Variants in FYN observed in about 807,000 individuals in gnomAD.
FYN encodes FYN proto-oncogene, Src family tyrosine kinase.
A neutral mutation model predicts 70.2 loss-of-function variants in FYN; 10 were observed. That is an observed-to-expected ratio of 0.14 (90% CI 0.09 to 0.24). The LOEUF (loss-of-function observed/expected upper bound fraction) is 0.24, where lower values mean the gene tolerates loss of function less well. Among genes scored for constraint, FYN ranks in the 10% least tolerant of loss-of-function variants. The pLI, the probability that FYN is intolerant of heterozygous loss-of-function variation, is 1.00. For synonymous variants in FYN, 236 were observed against 248.6 expected, an observed-to-expected ratio of 0.95 and a Z score of 0.48; for missense variants, 319 against 673.1, an observed-to-expected ratio of 0.47 and a Z score of 5.82.
At chr6:111,737,542 G>A (rs2345074) in intron 3 of FYN, among the ~76,000 whole-genome samples, 18,372 of 152,252 alleles carry the variant, frequency 0.12, 1,279 homozygotes, top group South Asian at 0.33. Context: ...AGGAAAGGGC[G>A]TGGAGCGTCC....
At chr6:111,774,000 T>C (rs891827922) in intron 3 of FYN, among the ~76,000 whole-genome samples, 5 of 152,222 alleles carry the variant, frequency 3.3e-5, no homozygotes, top group Admixed American at 6.5e-5. Flanking sequence ...CCCAATTTGC[T>C]ATCACGATGG....
At chr6:111,831,255 G>A (rs1317949202) in intron 2 of FYN, among the ~76,000 whole-genome samples, 1 of 152,060 alleles carries the variant, frequency 6.6e-6, no homozygotes, top group Admixed American at 6.6e-5. Flanking sequence ...CACTAAATCT[G>A]TATTCATTAA....
chr6:111,774,449 C>T (rs1446328911), intron 3 of FYN, among the ~76,000 whole-genome samples: 1 of 152,152 alleles, frequency 6.6e-6, no homozygotes, highest in Non-Finnish European at 1.5e-5. Context: ...GACAGCTCTT[C>T]ACTGGGCAGG....
intron 5 of FYN, among the ~76,000 whole-genome samples, chr6:111,708,566 G>A (rs1800218457): frequency 2.0e-5 from 3 of 152,156 alleles, no homozygotes; most frequent in Admixed American, 1.3e-4. Flanking sequence ...CACGTGCCTG[G>A]CTTGCTCTCA....
At chr6:111,714,711 G>A (rs1056391462) in intron 4 of FYN, among the ~76,000 whole-genome samples, 2 of 152,212 alleles carry the variant, frequency 1.3e-5, no homozygotes, top group African/African-American at 2.4e-5. Flanking sequence ...GGGCTGAGGA[G>A]CAGGGAAATA....
In FYN at chr6:111,822,230, C is replaced by T. The variant is rs1400779795; in HGVS notation, c.-82+24359G>A. ...CAATAGTAAAGAGTTGGAACCAACC[C>T]AAATGTCCATCAATGATAGATTGGA... On this transcript the variant is annotated intron_variant, in intron 2 of 13. Transcript: ENST00000354650. Among the ~76,000 whole-genome samples, 4 of 152,176 alleles carry T rather than the reference C, an allele frequency of 2.6e-5. No homozygotes were observed. The East Asian group carries it at 7.7e-4, about 29-fold the overall frequency.
At chr6:111,823,108 C>T (rs1351626667) in intron 2 of FYN, among the ~76,000 whole-genome samples, 1 of 152,184 alleles carries the variant, frequency 6.6e-6, no homozygotes, top group Non-Finnish European at 1.5e-5. Context: ...CAGATGGGTA[C>T]AGAAAAATTC....
At position 111,701,083 on chromosome 6, in the gene FYN, T is replaced by G. The variant is rs374470138; in HGVS notation, c.698-815A>C. On this transcript the variant is annotated intron_variant, in intron 8 of 13. Transcript: ENST00000354650. ...AACTAAAATTCACAGAAATTCAAGA[T>G]GTGAAAGAATGTATTCTTTATAAAA... Among the ~76,000 whole-genome samples, 40 of 151,952 alleles carry G rather than the reference T, an allele frequency of 2.6e-4. No individual in the cohort carries two copies. In the South Asian group the frequency reaches 8.3e-3, roughly 32 times the overall value.
intron 2 of FYN, among the ~76,000 whole-genome samples, chr6:111,830,254 T>A (rs1772973240): frequency 6.6e-6 from 1 of 152,230 alleles, no homozygotes; most frequent in Admixed American, 6.5e-5. Context: ...GGGCAGAGTG[T>A]CAGCAGTACA....
At chr6:111,854,661 T>C (rs1048307761) in intron 1 of FYN, among the ~76,000 whole-genome samples, 8 of 152,264 alleles carry the variant, frequency 5.3e-5, no homozygotes, top group African/African-American at 1.9e-4. Flanking sequence ...CGTTATACTA[T>C]TTTATTTTGC....
chr6:111,814,539 A>G (rs1351609946), intron 2 of FYN, among the ~76,000 whole-genome samples: 1 of 152,182 alleles, frequency 6.6e-6, no homozygotes, highest in Non-Finnish European at 1.5e-5. Flanking sequence ...AGAATCTGAA[A>G]TGGAAAAAAA....
At chr6:111,733,927 ATAT>A (rs1161939969) in intron 3 of FYN, among the ~76,000 whole-genome samples, 2 of 152,126 alleles carry the variant, frequency 1.3e-5, no homozygotes, top group African/African-American at 4.8e-5. Flanking sequence ...ATCTCTACAA[ATAT>A]ACAAACATTA....
At chr6:111,864,822 GT>G (rs1422819460) in intron 1 of FYN, among the ~76,000 whole-genome samples, 1 of 152,202 alleles carries the variant, frequency 6.6e-6, no homozygotes, top group Non-Finnish European at 1.5e-5. Context: ...GGCTTCACTA[GT>G]TATTAGCTGT....
At chr6:111,695,567 C>A (rs6903380) in intron 10 of FYN, among the ~76,000 whole-genome samples, 7,090 of 152,058 alleles carry the variant, frequency 0.047, 480 homozygotes, top group African/African-American at 0.15. Context: ...AAGGACAAAC[C>A]GTTTGCCAGA....
chr6:111,740,744 C>T (rs1031380869), intron 3 of FYN, among the ~76,000 whole-genome samples: 3 of 152,176 alleles, frequency 2.0e-5, no homozygotes, highest in Admixed American at 1.3e-4. Flanking sequence ...CTCTGTTTTA[C>T]TTCAGTGAGT....
chr6:111,847,808 T>C (rs1773573991), intron 1 of FYN, among the ~76,000 whole-genome samples: 1 of 152,204 alleles, frequency 6.6e-6, no homozygotes, highest in Non-Finnish European at 1.5e-5. Flanking sequence ...CATATATTGT[T>C]CTCTGCAGAT....
chr6:111,773,627 A>AGAGGGGGAGGG (rs1803585943), intron 3 of FYN, among the ~76,000 whole-genome samples: 1 of 13,998 alleles, frequency 7.1e-5, no homozygotes, highest in African/African-American at 5.0e-4. Flanking sequence ...AGAGGGGGAA[A>AGAGGGGGAGGG]GGAGAGGGGG....
chr6:111,823,478 A>G lies in FYN; in HGVS notation c.-82+23111T>C, dbSNP rs558138945. Among the ~76,000 whole-genome samples the G allele has an allele frequency of 2.0e-5, 3 of 152,320 alleles. No individual in the cohort carries two copies. In the East Asian group the frequency reaches 5.8e-4, roughly 29 times the overall value. The stretch of plus-strand genomic sequence containing the variant: ...CGTTACGGCTTTCTGTAAGCTTGGC[A>G]TTGAGGAGAAAATGTCAGGCAAAAA... On this transcript the variant is annotated intron_variant, in intron 2 of 13. Coordinates refer to ENST00000354650, the MANE Select transcript of FYN (RefSeq NM_002037.5).
chr6:111,754,623 T>C (rs1802633960), intron 3 of FYN: 2 of 152,224 alleles, frequency 1.3e-5, no homozygotes, highest in African/African-American at 4.8e-5. Context: ...GATCCTGGTG[T>C]ACATGCTTAT....
Sources: gnomAD v4.1 joint callset for allele counts (sites outside exome capture counted in the v4.1 genomes callset) on GRCh38, gnomAD v4.1.1 for gene constraint, MANE v1.5 for transcripts, NCBI Gene and HGNC (gene_info 2026-07-23, HGNC 2026-07-21) for gene names.